The following HDAC9 variants were observed in gnomAD, a reference collection of about 807,000 sequenced individuals.
The protein encoded by HDAC9 is MEF-2 interacting transcription repressor (MITR) protein.
In HDAC9, 41 loss-of-function variants were observed where a neutral mutation model predicts 139.4. The ratio of observed to expected loss-of-function variants is 0.29; its 90% CI spans 0.23 to 0.38. The LOEUF is 0.38. Ranked by LOEUF, HDAC9 falls within the 10% of genes least tolerant of loss-of-function variation. HDAC9 has a pLI of 1.00. For missense variants in HDAC9, 1,147 were observed against 1,297.0 expected (o/e 0.88, Z 1.78); for synonymous variants, 517 against 476.2 (o/e 1.09, Z -1.12).
At chr7:18,776,663 G>A (rs1790793565) in intron 16 of HDAC9, among the ~76,000 whole-genome samples, 1 of 151,980 alleles carries the variant, frequency 6.6e-6, no homozygotes, top group Non-Finnish European at 1.5e-5. Context: ...TAGTGTTGGG[G>A]CAGAGAACTA....
intron 24 of HDAC9, among the ~76,000 whole-genome samples, chr7:18,960,889 G>A (rs1166594871): frequency 2.0e-5 from 3 of 152,038 alleles, no homozygotes; most frequent in Non-Finnish European, 2.9e-5. Context: ...ATCTCTTGTT[G>A]GGGGGTGGGG....
chr7:18,325,350 A>G (rs1800356473), intron 1 of HDAC9, among the ~76,000 whole-genome samples: 1 of 152,190 alleles, frequency 6.6e-6, no homozygotes, highest in South Asian at 2.1e-4. Context: ...CAAAATATCA[A>G]TTTAATAATT....
chr7:18,866,662 AT>A (rs1230987299), intron 21 of HDAC9, among the ~76,000 whole-genome samples: 1 of 152,232 alleles, frequency 6.6e-6, no homozygotes, highest in Non-Finnish European at 1.5e-5. Context: ...ATATAAAAAT[AT>A]TGTTGAGTAA....
intron 8 of HDAC9, among the ~76,000 whole-genome samples, chr7:18,643,101 A>G (rs139342513): frequency 1.7e-4 from 26 of 152,168 alleles, no homozygotes; most frequent in African/African-American, 2.2e-4. Context: ...TTACTTCCTT[A>G]TATGTTCCTT....
rs1418291538 is a variant in HDAC9 at position 18,727,609 on chromosome 7, G to T, written c.1761G>T (p.Ala587=). 3.1e-6 allele frequency: 5 copies of T among 1,595,384 alleles called. 1 individual carries two copies. The South Asian group carries it at 3.4e-5, about 11-fold the overall frequency. ...TCCTGGAACCCACGCACACACGTGC[G>T]CTCTCTGTGCGCCAAGCTCCGCTGG... ...QPFLEPTHTR[A]LSVRQAPLAA... Residue 587 remains alanine, a synonymous_variant, in exon 13 of 26, where the codon GCG becomes GCT. Transcript: ENST00000686413.
chr7:18,734,632 A>G (rs1786716429), intron 13 of HDAC9, among the ~76,000 whole-genome samples: 1 of 152,176 alleles, frequency 6.6e-6, no homozygotes, highest in Non-Finnish European at 1.5e-5. Flanking sequence ...AATCCAGTCT[A>G]TCGTTGATGG....
At chr7:18,384,931 A>T (rs964793255) in intron 1 of HDAC9, among the ~76,000 whole-genome samples, 2 of 152,106 alleles carry the variant, frequency 1.3e-5, no homozygotes, top group South Asian at 4.1e-4. Flanking sequence ...CCTGTGAAGG[A>T]TGTTAGGCTT....
intron 22 of HDAC9, among the ~76,000 whole-genome samples, chr7:18,884,156 C>T (rs748674855): frequency 8.5e-5 from 13 of 152,152 alleles, no homozygotes; most frequent in Non-Finnish European, 1.9e-4. Context: ...CAATCTCTGT[C>T]AAATTCCCAA....
chr7:18,269,097 A>G (rs1157030150), intron 2 of HDAC9, among the ~76,000 whole-genome samples: 2 of 152,208 alleles, frequency 1.3e-5, no homozygotes, highest in East Asian at 1.9e-4. Flanking sequence ...AAGTGGGTCT[A>G]TCAAAGTTAA....
chr7:18,782,595 G>A (rs1231628177), intron 16 of HDAC9, among the ~76,000 whole-genome samples: 2 of 152,048 alleles, frequency 1.3e-5, no homozygotes. Context: ...TAGAAAACAT[G>A]TAGCTTTCTG....
intron 1 of HDAC9, among the ~76,000 whole-genome samples, chr7:18,359,918 A>G (rs1331430174): frequency 6.6e-6 from 1 of 152,014 alleles, no homozygotes; most frequent in Non-Finnish European, 1.5e-5. Flanking sequence ...CACTTCGGTG[A>G]TTTTCTAACC....
intron 1 of HDAC9, among the ~76,000 whole-genome samples, chr7:18,377,606 T>G (rs1307556022): frequency 1.3e-5 from 2 of 152,144 alleles, no homozygotes; most frequent in Non-Finnish European, 2.9e-5. Context: ...CTAACCAAAG[T>G]GAATGTAGCA....
Position 18,829,387 on chromosome 7 carries a change from G to C in HDAC9, c.2379-74G>C. On this transcript the variant is annotated intron_variant, in intron 18 of 25. Coordinates refer to ENST00000686413, the MANE Select transcript of HDAC9 (RefSeq NM_178425.4). ...GAGATCATATAGCATTTAAAAAAAT[G>C]CTCTGAACATTATTTATAATGGTTT... 6 of 1,254,570 alleles carry C rather than the reference G, an allele frequency of 4.8e-6. No homozygotes were observed. In the South Asian group the frequency reaches 7.4e-5, roughly 15 times the overall value. The allele number at this position is 1,254,570 out of a possible 1,614,324, so 77.7% of individuals were successfully genotyped here.
At chr7:18,238,199 G>T (rs917056834) in intron 2 of HDAC9, among the ~76,000 whole-genome samples, 1 of 152,188 alleles carries the variant, frequency 6.6e-6, no homozygotes, top group East Asian at 1.9e-4. Context: ...ACCAATAGTA[G>T]TGTGATCCCT....
chr7:18,449,349 G>C (rs937406357), intron 1 of HDAC9, among the ~76,000 whole-genome samples: 1 of 152,074 alleles, frequency 6.6e-6, no homozygotes, highest in African/African-American at 2.4e-5. Flanking sequence ...ATATAATACT[G>C]AAAGAAAGTA....
intron 1 of HDAC9, among the ~76,000 whole-genome samples, chr7:18,451,920 A>G (rs1201830030): frequency 6.6e-6 from 1 of 152,110 alleles, no homozygotes; most frequent in Non-Finnish European, 1.5e-5. Context: ...CAGCATGGCA[A>G]TGTCACCTAA....
intron 1 of HDAC9, among the ~76,000 whole-genome samples, chr7:18,400,266 C>T (rs1053081556): frequency 6.6e-6 from 1 of 152,060 alleles, no homozygotes; most frequent in East Asian, 1.9e-4. Context: ...TAAAAGCATG[C>T]GATGTGTAGG....
At chr7:18,633,814 A>T (rs559962826) in intron 7 of HDAC9, among the ~76,000 whole-genome samples, 1 of 152,204 alleles carries the variant, frequency 6.6e-6, no homozygotes, top group South Asian at 2.1e-4. Flanking sequence ...AGGAAATGGA[A>T]ATTTATATTT....
At chr7:18,677,428 G>A (rs1279793292) in intron 12 of HDAC9, among the ~76,000 whole-genome samples, 1 of 151,854 alleles carries the variant, frequency 6.6e-6, no homozygotes, top group Middle Eastern at 3.2e-3. Flanking sequence ...GAGTAATTAT[G>A]AATGAAACTA....
Sources: allele counts gnomAD v4.1 joint callset (sites outside exome capture counted in the v4.1 genomes callset), GRCh38; gene constraint gnomAD v4.1.1; transcripts MANE v1.5; gene names NCBI Gene and HGNC (gene_info 2026-07-23, HGNC 2026-07-21).